Variants in ZNF385D observed in about 807,000 individuals in gnomAD.
ZNF385D encodes the protein zinc finger protein 659.
ZNF385D carries 15 observed loss-of-function variants against 35.8 expected under a neutral mutation model. The ratio of observed to expected loss-of-function variants is 0.42; its 90% confidence interval spans 0.28 to 0.64. The LOEUF is 0.64. Among genes scored for constraint, ZNF385D ranks in the 30% least tolerant of loss-of-function variants. ZNF385D has a pLI of 0.23. For synonymous variants in ZNF385D, 212 were observed against 186.8 expected, an observed-to-expected ratio of 1.13 and a Z score of -1.10; for missense variants, 474 against 494.6, an observed-to-expected ratio of 0.96 and a Z score of 0.39.
chr3:21,454,962 TC>T (rs1162930009), intron 4 of ZNF385D, among the ~76,000 whole-genome samples: 2 of 151,896 alleles, frequency 1.3e-5, no homozygotes, highest in African/African-American at 4.8e-5. Flanking sequence ...AACAGCTAAA[TC>T]ATGAGTGAAC....
chr3:22,355,694 G>A (rs17011243), intron 2 of ZNF385D, among the ~76,000 whole-genome samples: 11,943 of 151,756 alleles, frequency 0.079, 1,476 homozygotes, highest in African/African-American at 0.26. Flanking sequence ...AAAAATCAAC[G>A]TATCAGACAT....
At chr3:21,707,474 C>A (rs1036295720) in intron 1 of ZNF385D, among the ~76,000 whole-genome samples, 1 of 152,072 alleles carries the variant, frequency 6.6e-6, no homozygotes, top group Non-Finnish European at 1.5e-5. Context: ...TAGACAGAAC[C>A]CCCATCCTGA....
At chr3:22,363,628 A>G (rs1046357689) in intron 2 of ZNF385D, among the ~76,000 whole-genome samples, 2 of 152,110 alleles carry the variant, frequency 1.3e-5, no homozygotes, top group African/African-American at 4.8e-5. Flanking sequence ...TATTCTGATT[A>G]TATCTGCTTC....
At position 21,421,146 on chromosome 3, in the gene ZNF385D, T is replaced by C. The variant is rs916428473; in HGVS notation, c.*68A>G. 4.0e-5 allele frequency: 52 copies of C among 1,305,698 alleles called. No individual in the cohort carries two copies. The Admixed American group carries it at 9.5e-4, about 24-fold the overall frequency. The allele number at this position is 1,305,698 out of a possible 1,614,324, so 80.9% of individuals were successfully genotyped here. A position where few individuals can be genotyped will look rare whatever the true frequency, so the allele number is the denominator to read the frequency against. On this transcript the variant is annotated 3_prime_UTR_variant, in exon 8 of 8. Coordinates refer to ENST00000281523, the MANE Select transcript of ZNF385D (RefSeq NM_024697.3). ...AAACTATAAATAAACACTGCATAGT[T>C]CTCTTTTGTTTGTTTTGTTTTTTGT...
intron 1 of ZNF385D, among the ~76,000 whole-genome samples, chr3:21,733,878 T>C (rs1379570646): frequency 1.3e-5 from 2 of 152,208 alleles, no homozygotes; most frequent in East Asian, 1.9e-4. Flanking sequence ...AGTTTTATCA[T>C]AGCCTAAATC....
At chr3:21,643,431 C>G (rs957239377) in intron 2 of ZNF385D, among the ~76,000 whole-genome samples, 13 of 152,090 alleles carry the variant, frequency 8.5e-5, no homozygotes, top group Non-Finnish European at 1.6e-4. Flanking sequence ...TCACTCTACC[C>G]TAACACCAGG....
At chr3:22,091,459 C>T (rs561453848) in intron 3 of ZNF385D, among the ~76,000 whole-genome samples, 6 of 152,262 alleles carry the variant, frequency 3.9e-5, no homozygotes, top group African/African-American at 1.4e-4. Context: ...GCATATCTAA[C>T]TGGCAGGGAT....
At chr3:21,919,304 G>A (rs1700341653) in intron 3 of ZNF385D, among the ~76,000 whole-genome samples, 2 of 152,134 alleles carry the variant, frequency 1.3e-5, no homozygotes, top group South Asian at 2.1e-4. Context: ...CAGGGAGTTT[G>A]ACATTTCATT....
chr3:21,899,873 C>T (rs34114922), intron 3 of ZNF385D, among the ~76,000 whole-genome samples: 2,163 of 152,124 alleles, frequency 0.014, 30 homozygotes, highest in Non-Finnish European at 0.021. Context: ...TGAAGTCTTG[C>T]TTAAGATATA....
At chr3:21,506,130 T>C (rs1053226431) in intron 4 of ZNF385D, among the ~76,000 whole-genome samples, 1 of 152,174 alleles carries the variant, frequency 6.6e-6, no homozygotes, top group African/African-American at 2.4e-5. Context: ...TTTGCTTCTC[T>C]AGAGGAGAAT....
At chr3:21,934,971 C>A (rs1396409191) in intron 3 of ZNF385D, among the ~76,000 whole-genome samples, 1 of 152,154 alleles carries the variant, frequency 6.6e-6, no homozygotes, top group Non-Finnish European at 1.5e-5. Flanking sequence ...AGAAGATGAG[C>A]AAAAACATTT....
intron 3 of ZNF385D, among the ~76,000 whole-genome samples, chr3:21,921,160 T>C (rs1331818577): frequency 1.4e-5 from 2 of 144,998 alleles, no homozygotes; most frequent in African/African-American, 5.2e-5. Flanking sequence ...GAGGCGGAGT[T>C]TGCAGTGAGC....
At chr3:21,845,511 T>C (rs997632012) in intron 3 of ZNF385D, among the ~76,000 whole-genome samples, 1 of 149,964 alleles carries the variant, frequency 6.7e-6, no homozygotes, top group Non-Finnish European at 1.5e-5. Context: ...AAATAAATTT[T>C]CTCTGTGTTA....
At position 21,982,568 on chromosome 3, in the gene ZNF385D, C is replaced by G. The variant is rs182880389; in HGVS notation, c.325+186249G>C. ...ACTTCCTCTCTTCCTATTTGGAAGCCCTTTATTCCTTTCTCTTGCCTGTTT... is the reference window on the plus strand; with the variant it reads ...ACTTCCTCTCTTCCTATTTGGAAGCGCTTTATTCCTTTCTCTTGCCTGTTT... On this transcript the variant is annotated intron_variant, in intron 3 of 5. Coordinates refer to the ZNF385D transcript ENST00000494108. Among the ~76,000 whole-genome samples, 489 of 152,172 alleles carry G rather than the reference C, an allele frequency of 3.2e-3. 2 individuals are homozygous for G. Among genetic ancestry groups the G allele is most frequent in the African/African-American group, 0.011 (461 of 41,512 alleles).
intron 3 of ZNF385D, among the ~76,000 whole-genome samples, chr3:21,927,811 T>C (rs1292695494): frequency 6.6e-6 from 1 of 152,124 alleles, no homozygotes; most frequent in African/African-American, 2.4e-5. Flanking sequence ...CATCTAACAA[T>C]AGAGCTCCAA....
chr3:21,438,269 T>C (rs915841726), intron 4 of ZNF385D, among the ~76,000 whole-genome samples: 1 of 152,296 alleles, frequency 6.6e-6, no homozygotes, highest in Admixed American at 6.5e-5. Flanking sequence ...CTCTCCAAAA[T>C]ATTCCTAGGC....
chr3:22,154,006 A>G (rs1705428099), intron 3 of ZNF385D, among the ~76,000 whole-genome samples: 1 of 152,118 alleles, frequency 6.6e-6, no homozygotes, highest in Non-Finnish European at 1.5e-5. Context: ...TTTAGCATCC[A>G]GTCCTTTAGC....
chr3:21,635,151 TTGAA>T, intron 2 of ZNF385D, among the ~76,000 whole-genome samples: 1 of 152,100 alleles, frequency 6.6e-6, no homozygotes, highest in Non-Finnish European at 1.5e-5. Context: ...AGCATTTACT[TTGAA>T]TGAGGCATTG....
chr3:21,581,037 A>ATGCC lies in ZNF385D; in HGVS notation c.166-16357_166-16354dup, dbSNP rs2063643679. On this transcript the variant is annotated intron_variant, in intron 2 of 7. Coordinates refer to ENST00000281523, the MANE Select transcript of ZNF385D (RefSeq NM_024697.3). ...CTTCCTCCCACCGTAAGTGCCCTGT[A>ATGCC]TGCCTCTTTCTCTTAGCCAGTGATG... 3.9e-5 allele frequency among the ~76,000 whole-genome samples: 6 copies of ATGCC among 152,184 alleles called. No homozygotes were observed. In the South Asian group the frequency reaches 1.2e-3, roughly 32 times the overall value.
Sources: allele counts gnomAD v4.1 joint callset (sites outside exome capture counted in the v4.1 genomes callset), GRCh38; gene constraint gnomAD v4.1.1; transcripts MANE v1.5; gene names NCBI Gene and HGNC (gene_info 2026-07-23, HGNC 2026-07-21).